Variants in LRMDA observed in about 807,000 individuals in gnomAD.
The protein encoded by LRMDA is leucine rich melanocyte differentiation associated, also known as leucine-rich melanocyte differentiation-associated protein.
A neutral mutation model predicts 29.8 loss-of-function variants in LRMDA; 18 were observed. The observed-to-expected ratio is 0.60, with a 90% CI of 0.42 to 0.90. The LOEUF (loss-of-function observed/expected upper bound fraction) is 0.90. LRMDA is among the 40% of genes least tolerant of loss of function. The pLI is 0.00. For missense variants in LRMDA, 273 were observed against 273.9 expected, an observed-to-expected ratio of 1.00 and a Z score of 0.02; for synonymous variants, 125 against 109.4, an observed-to-expected ratio of 1.14 and a Z score of -0.89.
intron 2 of LRMDA, among the ~76,000 whole-genome samples, chr10:75,667,294 T>G (rs1333852281): frequency 3.3e-5 from 5 of 152,038 alleles, no homozygotes; most frequent in Non-Finnish European, 7.4e-5. Flanking sequence ...TGGGACTTAG[T>G]TTAAATTAAA....
At chr10:76,181,646 G>C (rs535748699) in intron 5 of LRMDA, among the ~76,000 whole-genome samples, 1 of 152,230 alleles carries the variant, frequency 6.6e-6, no homozygotes, top group Non-Finnish European at 1.5e-5. Flanking sequence ...AGAGGCCAGA[G>C]ATAAGGACCT....
chr10:76,303,349 C>T (rs1175749586), intron 5 of LRMDA, among the ~76,000 whole-genome samples: 1 of 151,688 alleles, frequency 6.6e-6, no homozygotes, highest in African/African-American at 2.4e-5. Context: ...CACCTGACTG[C>T]GTCAAAAAAT....
chr10:75,966,623 A>G (rs1269864483), intron 2 of LRMDA, among the ~76,000 whole-genome samples: 1 of 152,206 alleles, frequency 6.6e-6, no homozygotes, highest in Non-Finnish European at 1.5e-5. Context: ...GAATCCATTA[A>G]ATTACAGTTG....
chr10:76,261,199 G>A (rs998734168), intron 5 of LRMDA, among the ~76,000 whole-genome samples: 1 of 151,372 alleles, frequency 6.6e-6, no homozygotes, highest in Non-Finnish European at 1.5e-5. Flanking sequence ...CAAGTAGCTG[G>A]GACTACAGGC....
intron 2 of LRMDA, among the ~76,000 whole-genome samples, chr10:75,877,753 C>T (rs1403696216): frequency 6.6e-6 from 1 of 152,224 alleles, no homozygotes; most frequent in Non-Finnish European, 1.5e-5. Flanking sequence ...GATAGTGAGA[C>T]TCTCTTGAAG....
At chr10:76,141,302 C>T (rs1289995334) in intron 5 of LRMDA, among the ~76,000 whole-genome samples, 3 of 152,020 alleles carry the variant, frequency 2.0e-5, no homozygotes, top group Admixed American at 6.6e-5. Flanking sequence ...GATTTTTCCT[C>T]TCCTATAACC....
chr10:75,498,864 A>G (rs78988186), intron 2 of LRMDA, among the ~76,000 whole-genome samples: 102 of 152,278 alleles, frequency 6.7e-4, no homozygotes, highest in African/African-American at 2.2e-3. Flanking sequence ...TTGGCCTTCC[A>G]CGAATCCTCT....
At chr10:76,206,185 T>C (rs1589375951) in intron 5 of LRMDA, among the ~76,000 whole-genome samples, 1 of 152,310 alleles carries the variant, frequency 6.6e-6, no homozygotes, top group Middle Eastern at 3.4e-3. Flanking sequence ...CTGCCTCATC[T>C]CCAGCTACTA....
chr10:75,638,767 G>A (rs532437492), intron 2 of LRMDA, among the ~76,000 whole-genome samples: 1 of 152,212 alleles, frequency 6.6e-6, no homozygotes, highest in Non-Finnish European at 1.5e-5. Flanking sequence ...ATTTGGAATA[G>A]TTCCTTGCTT....
chr10:75,687,324 C>G (rs1005187986), intron 2 of LRMDA, among the ~76,000 whole-genome samples: 4 of 152,158 alleles, frequency 2.6e-5, no homozygotes, highest in Non-Finnish European at 5.9e-5. Context: ...AAGTGCTACT[C>G]CAGTGAATAC....
chr10:75,482,679 C>T (rs1442665416), intron 2 of LRMDA, among the ~76,000 whole-genome samples: 1 of 152,126 alleles, frequency 6.6e-6, no homozygotes, highest in South Asian at 2.1e-4. Context: ...ATGTCCCTAT[C>T]GTAGGAGTTT....
At chr10:76,191,430 G>C (rs901008764) in intron 5 of LRMDA, among the ~76,000 whole-genome samples, 18 of 152,152 alleles carry the variant, frequency 1.2e-4, no homozygotes, top group Non-Finnish European at 2.9e-5. Flanking sequence ...TGAATCCTTT[G>C]TCACTTCATT....
chr10:75,755,756 A>G (rs1192657573), intron 2 of LRMDA, among the ~76,000 whole-genome samples: 1 of 152,240 alleles, frequency 6.6e-6, no homozygotes, highest in East Asian at 1.9e-4. Flanking sequence ...CGGCAGCGGC[A>G]TCAAAAGCTA....
chr10:76,406,379 G>T (rs1027221234), intron 6 of LRMDA, among the ~76,000 whole-genome samples: 6 of 152,148 alleles, frequency 3.9e-5, no homozygotes, highest in African/African-American at 1.4e-4. Flanking sequence ...ATGAACTATC[G>T]TATTTTCTTA....
chr10:75,756,781 G>T (rs940192810), intron 2 of LRMDA, among the ~76,000 whole-genome samples: 1 of 152,170 alleles, frequency 6.6e-6, no homozygotes, highest in East Asian at 1.9e-4. Flanking sequence ...TTTGCCCAAG[G>T]TGGCATAGCT....
intron 2 of LRMDA, among the ~76,000 whole-genome samples, chr10:75,640,043 T>C (rs1356744775): frequency 2.0e-5 from 3 of 152,140 alleles, no homozygotes; most frequent in African/African-American, 7.2e-5. Flanking sequence ...TCCATCTGCT[T>C]AGTCTGGGGT....
At chr10:75,582,770 G>T (rs549819037) in intron 2 of LRMDA, among the ~76,000 whole-genome samples, 6 of 152,068 alleles carry the variant, frequency 3.9e-5, no homozygotes, top group Non-Finnish European at 7.3e-5. Flanking sequence ...GAACTTTTAT[G>T]CTCTGCTTTC....
chr10:75,982,111 C>T (rs1847183253), intron 2 of LRMDA, among the ~76,000 whole-genome samples: 1 of 152,182 alleles, frequency 6.6e-6, no homozygotes, highest in African/African-American at 2.4e-5. Flanking sequence ...GAATGCCACC[C>T]TCAACTGGGG....
intron 2 of LRMDA, among the ~76,000 whole-genome samples, chr10:75,618,969 T>G (rs2132105027): frequency 6.6e-6 from 1 of 152,136 alleles, no homozygotes; most frequent in Middle Eastern, 3.4e-3. Flanking sequence ...TTTTATTTTT[T>G]TGTATTTTTA....
Sources: gnomAD v4.1 joint callset for allele counts (sites outside exome capture counted in the v4.1 genomes callset) on GRCh38, gnomAD v4.1.1 for gene constraint, MANE v1.5 for transcripts, NCBI Gene and HGNC (gene_info 2026-07-23, HGNC 2026-07-21) for gene names.